CALD1: variants seen among roughly 807,000 people sequenced by gnomAD.
CALD1 encodes the protein caldesmon.
Under a neutral mutation model 99.9 loss-of-function variants are expected in CALD1, and 33 were observed. The ratio of observed to expected loss-of-function variants is 0.33; its 90% CI spans 0.25 to 0.44. The LOEUF is 0.44. Among genes scored for constraint, CALD1 ranks in the 20% least tolerant of loss-of-function variants. The pLI is 1.00. For missense variants in CALD1, 861 were observed against 962.1 expected (o/e 0.89, Z 1.39); for synonymous variants, 310 against 325.0 (o/e 0.95, Z 0.50).
chr7:134,839,216 T>G (rs1799558020), intron 1 of CALD1, among the ~76,000 whole-genome samples: 1 of 152,250 alleles, frequency 6.6e-6, no homozygotes, highest in African/African-American at 2.4e-5. Context: ...GTTTACATTA[T>G]GATTCTGAGA....
intron 8 of CALD1, chr7:134,948,068 T>G: frequency 7.6e-6 from 2 of 264,764 alleles, no homozygotes; most frequent in African/African-American, 4.4e-5. Context: ...CTGCCTGACA[T>G]GCAGGAGGAG....
chr7:134,862,212 T>G (rs955284318), intron 2 of CALD1, among the ~76,000 whole-genome samples: 3 of 152,174 alleles, frequency 2.0e-5, no homozygotes, highest in African/African-American at 4.8e-5. Flanking sequence ...CAGAACTTCT[T>G]TGGGGCACTC....
intron 1 of CALD1, among the ~76,000 whole-genome samples, chr7:134,829,365 T>C (rs749323169): frequency 4.6e-4 from 70 of 152,254 alleles, no homozygotes; most frequent in Non-Finnish European, 6.5e-4. Flanking sequence ...AACGTTATCA[T>C]CTGATTGTAC....
Position 134,779,657 on chromosome 7 carries a change from GC to G in CALD1, c.-219del. The G allele has an allele frequency of 2.5e-6, 1 of 398,746 alleles. No individual in the cohort carries two copies. The allele number at this position is 398,746 out of a possible 1,614,324, so 24.7% of individuals were successfully genotyped here. A position where few individuals can be genotyped will look rare whatever the true frequency, so the allele number is the denominator to read the frequency against. On this transcript the variant is annotated 5_prime_UTR_variant, in exon 1 of 15. Transcript: ENST00000361675. ...GCAGTGTGTATTCGGCTGCCTGCCT[GC>G]CCGCCTGCTTGCTCTCTGGCTGTGC...
chr7:134,814,334 G>A (rs1479020900), intron 1 of CALD1, among the ~76,000 whole-genome samples: 1 of 152,188 alleles, frequency 6.6e-6, no homozygotes. Flanking sequence ...ATCAGAAAGG[G>A]GAAAGACATT....
intron 1 of CALD1, among the ~76,000 whole-genome samples, chr7:134,817,816 T>G (rs756373656): frequency 1.6e-4 from 25 of 152,184 alleles, no homozygotes; most frequent in Non-Finnish European, 3.2e-4. Flanking sequence ...TCTTCAAAAT[T>G]TTATTCATTT....
intron 9 of CALD1, among the ~76,000 whole-genome samples, chr7:134,954,601 G>C (rs1439648471): frequency 1.3e-5 from 2 of 152,098 alleles, no homozygotes; most frequent in African/African-American, 4.8e-5. Flanking sequence ...AGAAGCAAAA[G>C]GAGGAGTAGG....
At chr7:134,895,393 C>T (rs1165520622) in intron 3 of CALD1, among the ~76,000 whole-genome samples, 1 of 150,878 alleles carries the variant, frequency 6.6e-6, no homozygotes, top group African/African-American at 2.4e-5. Flanking sequence ...TATTACAACA[C>T]ATTTAAAACA....
intron 1 of CALD1, among the ~76,000 whole-genome samples, chr7:134,769,229 T>C (rs1796856173): frequency 2.0e-5 from 3 of 152,126 alleles, no homozygotes; most frequent in Admixed American, 2.0e-4. Flanking sequence ...TCCTTTGACA[T>C]GTCTCTTGGC....
the CALD1 span, among the ~76,000 whole-genome samples, chr7:134,715,815 T>G: frequency 2.0e-5 from 3 of 152,226 alleles, no homozygotes; most frequent in Admixed American, 2.0e-4. Context: ...CATAAAGTCA[T>G]GCAGAGACAA....
intron 9 of CALD1, among the ~76,000 whole-genome samples, chr7:134,953,626 T>C (rs1175274206): frequency 1.3e-5 from 2 of 150,208 alleles, no homozygotes; most frequent in Non-Finnish European, 1.5e-5. Flanking sequence ...AAGAAAATAG[T>C]AGTCATCTAG....
At chr7:134,837,847 G>T (rs1171773120) in intron 1 of CALD1, among the ~76,000 whole-genome samples, 2 of 152,188 alleles carry the variant, frequency 1.3e-5, no homozygotes, top group Non-Finnish European at 2.9e-5. Flanking sequence ...TAAAATTGAA[G>T]TAGCTGATAC....
chr7:134,755,002 T>TA (rs199880606), intron 1 of CALD1, among the ~76,000 whole-genome samples: 8,552 of 151,760 alleles, frequency 0.056, 746 homozygotes, highest in African/African-American at 0.18. Flanking sequence ...TTACTTTTTT[T>TA]TTATTATTAT....
chr7:134,872,314 C>T (rs34850843), intron 3 of CALD1, among the ~76,000 whole-genome samples: 7,070 of 148,084 alleles, frequency 0.048, 266 homozygotes, highest in Middle Eastern at 0.12. Flanking sequence ...GCCGAGATTA[C>T]GCCACTGCAC....
At chr7:134,776,078 T>C (rs977923155), upstream of CALD1, among the ~76,000 whole-genome samples, 14 of 152,186 alleles carry the variant, frequency 9.2e-5, no homozygotes, top group Admixed American at 5.9e-4. Context: ...GATAATTGTA[T>C]AGCAAATAAA....
At chr7:134,844,789 G>A (rs1799785906) in intron 2 of CALD1, among the ~76,000 whole-genome samples, 1 of 151,524 alleles carries the variant, frequency 6.6e-6, no homozygotes, top group South Asian at 2.1e-4. Context: ...GTGTCTTCAC[G>A]TGGTCCTCTC....
chr7:134,799,887 A>C (rs1256587835), intron 1 of CALD1, among the ~76,000 whole-genome samples: 1 of 152,176 alleles, frequency 6.6e-6, no homozygotes, highest in Non-Finnish European at 1.5e-5. Flanking sequence ...AAAACAAGGA[A>C]ATTTTCATAA....
intron 2 of CALD1, among the ~76,000 whole-genome samples, chr7:134,866,145 C>A (rs1180788529): frequency 2.6e-5 from 4 of 152,138 alleles, no homozygotes; most frequent in African/African-American, 9.7e-5. Context: ...CAGGAGCCTA[C>A]CCCAGGGAGA....
chr7:134,827,732 T>C (rs73724869), intron 1 of CALD1, among the ~76,000 whole-genome samples: 7,878 of 152,238 alleles, frequency 0.052, 650 homozygotes, highest in African/African-American at 0.18. Context: ...AAGGTGTTAT[T>C]TGGGGAAGGT....
Sources: gnomAD v4.1 joint callset for allele counts (sites outside exome capture counted in the v4.1 genomes callset) on GRCh38, gnomAD v4.1.1 for gene constraint, MANE v1.5 for transcripts, NCBI Gene and HGNC (gene_info 2026-07-23, HGNC 2026-07-21) for gene names.